PTP4A1: variants seen among roughly 807,000 people sequenced by gnomAD.
PTP4A1 encodes protein tyrosine phosphatase 4A1.
PTP4A1 carries 9 observed loss-of-function variants against 20.5 expected under a neutral mutation model. That is an observed-to-expected ratio of 0.44 (90% CI 0.26 to 0.77). The LOEUF is 0.77. Ranked by LOEUF, PTP4A1 falls within the 30% of genes least tolerant of loss-of-function variation. The probability of loss-of-function intolerance (pLI) is 0.19; values close to 1 mark genes in which losing one functional copy is unlikely to be tolerated. For synonymous variants in PTP4A1, 78 were observed against 67.4 expected, an observed-to-expected ratio of 1.16 and a Z score of -0.77; for missense variants, 137 against 218.8, an observed-to-expected ratio of 0.63 and a Z score of 2.36.
At chr6:63,552,749 A>C (rs955952066) in intron 3 of PTP4A1, among the ~76,000 whole-genome samples, 3 of 152,218 alleles carry the variant, frequency 2.0e-5, no homozygotes, top group Admixed American at 6.5e-5. Context: ...AGCTTTCTAC[A>C]TATGGCTAGC....
intron 2 of PTP4A1, among the ~76,000 whole-genome samples, chr6:63,542,417 C>T (rs1345108052): frequency 6.6e-6 from 1 of 151,860 alleles, no homozygotes; most frequent in African/African-American, 2.4e-5. Context: ...CCCCAATAAC[C>T]TATGGAAATA....
intron 3 of PTP4A1, among the ~76,000 whole-genome samples, chr6:63,551,297 C>T (rs1197644181): frequency 6.6e-6 from 1 of 152,112 alleles, no homozygotes; most frequent in East Asian, 1.9e-4. Context: ...AATTCCTGAC[C>T]TCAGGTGATC....
At chr6:63,545,357 C>T (rs756755788) in intron 2 of PTP4A1, among the ~76,000 whole-genome samples, 1 of 152,162 alleles carries the variant, frequency 6.6e-6, no homozygotes, top group Non-Finnish European at 1.5e-5. Context: ...TGCCTGTAAT[C>T]CCAGCACTTT....
chr6:63,522,948 T>C lies in PTP4A1; in HGVS notation c.-906+1122T>C, dbSNP rs918724235. On this transcript the variant is annotated intron_variant, in intron 1 of 3. Transcript: ENST00000639568. Reference sequence around the variant, plus strand: ...AGCACGATCTCAGCTAACTGCAACCTCTGCCTCCCAGGTTCAAGCGATTCT... The same window carrying C: ...AGCACGATCTCAGCTAACTGCAACCCCTGCCTCCCAGGTTCAAGCGATTCT... Among the ~76,000 whole-genome samples, 18 of 148,338 alleles carry C rather than the reference T, an allele frequency of 1.2e-4. No homozygotes were observed. The Admixed American group carries it at 1.2e-3, about 10-fold the overall frequency.
chr6:63,544,988 A>G (rs1562118651), intron 2 of PTP4A1, among the ~76,000 whole-genome samples: 1 of 152,162 alleles, frequency 6.6e-6, no homozygotes, highest in African/African-American at 2.4e-5. Context: ...TTTATCATCC[A>G]CTGATGATTC....
chr6:63,552,398 A>C (rs988759910), intron 3 of PTP4A1, among the ~76,000 whole-genome samples: 4 of 151,754 alleles, frequency 2.6e-5, no homozygotes, highest in South Asian at 2.1e-4. Flanking sequence ...TTTTTCTTGT[A>C]AATTTGTTTG....
At chr6:63,536,869 G>A (rs186498845) in intron 2 of PTP4A1, among the ~76,000 whole-genome samples, 1 of 151,886 alleles carries the variant, frequency 6.6e-6, no homozygotes, top group East Asian at 1.9e-4. Flanking sequence ...GTAACATAAG[G>A]GTCCCCCTAA....
At chr6:63,545,314 G>A (rs577521518) in intron 2 of PTP4A1, among the ~76,000 whole-genome samples, 16 of 152,194 alleles carry the variant, frequency 1.1e-4, no homozygotes, top group Non-Finnish European at 1.5e-4. Flanking sequence ...ATCTCTGGGC[G>A]TGGAAATTTC....
intron 2 of PTP4A1, chr6:63,548,583 G>C: frequency 3.4e-6 from 1 of 295,730 alleles, no homozygotes; most frequent in South Asian, 3.9e-5. Flanking sequence ...AGGGTACCAG[G>C]GTACATGGTA....
chr6:63,572,465 T>C (rs924772430), upstream of PTP4A1: 1 of 384,916 alleles, frequency 2.6e-6, no homozygotes, highest in Non-Finnish European at 4.6e-6. Flanking sequence ...AGGGGAGGGC[T>C]TGTGACGCAA....
intron 2 of PTP4A1, among the ~76,000 whole-genome samples, chr6:63,541,177 A>G (rs1490396810): frequency 6.6e-6 from 1 of 152,206 alleles, no homozygotes; most frequent in Non-Finnish European, 1.5e-5. Context: ...TAGAAGAGAG[A>G]AAACAATCAA....
chr6:63,519,367 T>A (rs1372392662), upstream of PTP4A1, among the ~76,000 whole-genome samples: 1 of 152,018 alleles, frequency 6.6e-6, no homozygotes, highest in Non-Finnish European at 1.5e-5. Flanking sequence ...GCTAAATGAG[T>A]TCAGGTCAAG....
chr6:63,546,814 A>T (rs1288513391), intron 2 of PTP4A1, among the ~76,000 whole-genome samples: 1 of 152,216 alleles, frequency 6.6e-6, no homozygotes, highest in Non-Finnish European at 1.5e-5. Context: ...ACACCTGAAA[A>T]TTTTGAATAG....
chr6:63,548,686 C>T, intron 2 of PTP4A1: 1 of 517,778 alleles, frequency 1.9e-6, no homozygotes, highest in Admixed American at 3.1e-5. Flanking sequence ...TTTTTATGTA[C>T]AGAAAACTCA....
At chr6:63,539,512 T>A (rs1438886090) in intron 2 of PTP4A1, among the ~76,000 whole-genome samples, 1 of 152,160 alleles carries the variant, frequency 6.6e-6, no homozygotes, top group Non-Finnish European at 1.5e-5. Flanking sequence ...GTGTGTTGGC[T>A]CACTCCTGTA....
In PTP4A1 at chr6:63,580,410, C is replaced by G; in HGVS notation, c.*236C>G. The G allele has an allele frequency of 2.3e-6, 1 of 440,140 alleles. No homozygotes were observed. The highest frequency in any genetic ancestry group is 3.4e-5 in the South Asian group (1 of 29,174). 27.3% of individuals were successfully genotyped at this position (440,140 alleles called of 1,614,324 possible). ...CTGTCAGCATATAAAATGTGCTTGT[C>G]ATTTGTATCAATTGACCTTTCCCCA... On this transcript the variant is annotated 3_prime_UTR_variant, in exon 6 of 6. Coordinates refer to ENST00000626021, the MANE Select transcript of PTP4A1 (RefSeq NM_003463.5).
intron 3 of PTP4A1, among the ~76,000 whole-genome samples, chr6:63,557,650 G>A (rs1776748607): frequency 6.6e-6 from 1 of 152,148 alleles, no homozygotes; most frequent in African/African-American, 2.4e-5. Flanking sequence ...CAGATACAAA[G>A]CCATGGAGGT....
At chr6:63,560,877 G>T (rs1268323511) in intron 3 of PTP4A1, among the ~76,000 whole-genome samples, 1 of 152,082 alleles carries the variant, frequency 6.6e-6, no homozygotes, top group Non-Finnish European at 1.5e-5. Context: ...ATTAGTCTGG[G>T]GAACAACATC....
chr6:63,566,107 C>A (rs934262799), intron 3 of PTP4A1, among the ~76,000 whole-genome samples: 1 of 152,190 alleles, frequency 6.6e-6, no homozygotes, highest in African/African-American at 2.4e-5. Context: ...CCTGTTTTGT[C>A]CCACTGAACC....
Sources: allele counts gnomAD v4.1 joint callset (sites outside exome capture counted in the v4.1 genomes callset), GRCh38; gene constraint gnomAD v4.1.1; transcripts MANE v1.5; gene names NCBI Gene and HGNC (gene_info 2026-07-23, HGNC 2026-07-21).